KIZ: variants seen among roughly 807,000 people sequenced by gnomAD.
KIZ encodes centrosomal protein kizuna.
A neutral mutation model predicts 79.6 loss-of-function variants in KIZ; 68 were observed. The observed-to-expected ratio is 0.85, with a 90% CI of 0.70 to 1.05. The LOEUF is 1.05. Ranked by LOEUF, KIZ falls within the 50% of genes least tolerant of loss-of-function variation. The pLI, the probability that KIZ is intolerant of heterozygous loss-of-function variation, is 0.00. For synonymous variants in KIZ, 280 were observed against 281.8 expected, an observed-to-expected ratio of 0.99 and a Z score of 0.06; for missense variants, 797 against 800.4, an observed-to-expected ratio of 1.00 and a Z score of 0.05.
intron 6 of KIZ, among the ~76,000 whole-genome samples, chr20:21,203,885 A>G (rs1480096700): frequency 6.6e-6 from 1 of 152,154 alleles, no homozygotes; most frequent in Non-Finnish European, 1.5e-5. Flanking sequence ...GTTGTACAAC[A>G]GATCTCTGGA....
chr20:21,126,900 T>C (rs188940249), intron 1 of KIZ, among the ~76,000 whole-genome samples: 1 of 152,338 alleles, frequency 6.6e-6, no homozygotes, highest in East Asian at 1.9e-4. Flanking sequence ...GATAAATTGC[T>C]GGACCTCTTA....
At chr20:21,207,405 A>G (rs1407288929) in intron 7 of KIZ, among the ~76,000 whole-genome samples, 1 of 151,376 alleles carries the variant, frequency 6.6e-6, no homozygotes, top group Non-Finnish European at 1.5e-5. Context: ...TGTTGTTACC[A>G]TTGCACCATA....
rs181699988 is a variant in KIZ at position 21,205,467 on chromosome 20, G to A, written c.1353-24G>A. 7,360 of 946,440 alleles carry A rather than the reference G, an allele frequency of 7.8e-3. 42 individuals are homozygous for A. The highest frequency in any genetic ancestry group is 0.01 in the Non-Finnish European group (6,213 of 604,322). The allele number at this position is 946,440 out of a possible 1,614,324, so 58.6% of individuals were successfully genotyped here. ...TCTTATAATATTACAAATCTATAGTGAGTGTCCTGTTTCTGTTTTATAGAC... is the reference window on the plus strand; with the variant it reads ...TCTTATAATATTACAAATCTATAGTAAGTGTCCTGTTTCTGTTTTATAGAC... On this transcript the variant is annotated intron_variant, in intron 6 of 12. Transcript: ENST00000619189.
chr20:21,227,686 C>T (rs1258879812), intron 9 of KIZ, among the ~76,000 whole-genome samples: 1 of 152,120 alleles, frequency 6.6e-6, no homozygotes, highest in Admixed American at 6.5e-5. Context: ...AGCCGGAGGT[C>T]ATCACAACAC....
At chr20:21,221,345 AT>A (rs2036496210) in intron 9 of KIZ, among the ~76,000 whole-genome samples, 1 of 152,196 alleles carries the variant, frequency 6.6e-6, no homozygotes, top group Non-Finnish European at 1.5e-5. Flanking sequence ...ATGAATAAAA[AT>A]GGGGATATTA....
chr20:21,224,070 C>A (rs894629165), intron 9 of KIZ, among the ~76,000 whole-genome samples: 1 of 151,954 alleles, frequency 6.6e-6, no homozygotes, highest in African/African-American at 2.4e-5. Flanking sequence ...CTCGGGTCAC[C>A]GCAACCTCCG....
rs34220269 is a variant in KIZ at position 21,179,209 on chromosome 20, G to GT, written c.1352+16066dup. Among the ~76,000 whole-genome samples, 415 of 129,734 alleles carry GT rather than the reference G, an allele frequency of 3.2e-3. 2 individuals carry two copies. The highest frequency in any genetic ancestry group is 0.02 in the East Asian group (89 of 4,496). The allele number at this position is 129,734 out of a possible 152,430, so 85.1% of individuals were successfully genotyped here. On this transcript the variant is annotated intron_variant, in intron 6 of 12. Transcript: ENST00000619189. ...AGCTATCTGGTCCTGGGGTTTTTTTGTTTTTTTTTTTTTTTTGATGGGAGG... is the reference window on the plus strand; with the variant it reads ...AGCTATCTGGTCCTGGGGTTTTTTTGTTTTTTTTTTTTTTTTTGATGGGAGG...
intron 6 of KIZ, among the ~76,000 whole-genome samples, chr20:21,186,955 TC>T (rs1198113633): frequency 1.3e-5 from 2 of 152,164 alleles, no homozygotes; most frequent in Non-Finnish European, 2.9e-5. Flanking sequence ...TGATTCAGCA[TC>T]TTCAGTTTAA....
In KIZ at chr20:21,162,121, A is replaced by C; in HGVS notation, c.656A>C (p.Asn219Thr). ...ACTAGTAATGACACACAGTGCTTAAATAAGTCTGACAACATAGATGGAAAG... is the reference window on the plus strand; with the variant it reads ...ACTAGTAATGACACACAGTGCTTAACTAAGTCTGACAACATAGATGGAAAG... ...VQTSNDTQCL[N>T]KSDNIDGKAS... is the part of the protein sequence containing the mutation. The change falls in exon 5 of 13, where the codon AAT becomes ACT. Residue 219 changes from asparagine to threonine, a missense_variant. Physicochemically the swap from Asn to Thr is moderately conservative, Grantham distance 65 (BLOSUM62 0). Coordinates refer to ENST00000619189, the MANE Select transcript of KIZ (RefSeq NM_018474.6). 6.2e-7 allele frequency: 1 copy of C among 1,612,764 alleles called. No individual in the cohort carries two copies.
rs1401654191 is a variant in KIZ at position 21,162,351 on chromosome 20, T to C, written c.886T>C (p.Ser296Pro). 1 of 1,613,904 alleles carries C rather than the reference T, an allele frequency of 6.2e-7. No individual in the cohort carries two copies. Among genetic ancestry groups the C allele is most frequent in the Non-Finnish European group, 8.5e-7 (1 of 1,179,868 alleles). Residue 296 changes from serine (S) to proline (P), a missense_variant, in exon 5 of 13, where the codon TCC becomes CCC. Physicochemically the swap from Ser to Pro is moderately conservative, Grantham distance 74. Transcript: ENST00000619189. ...NRTTDLKCDS[S>P]SGSEGEILTR... The stretch of plus-strand genomic sequence containing the variant: ...AACCACTGATTTAAAGTGTGACAGT[T>C]CCAGCGGATCAGAGGGAGAAATACT...
At chr20:21,222,049 C>T (rs578021607) in intron 9 of KIZ, among the ~76,000 whole-genome samples, 4 of 152,360 alleles carry the variant, frequency 2.6e-5, no homozygotes, top group East Asian at 3.9e-4. Flanking sequence ...TGAAAGTCCA[C>T]GTGGCCCTGT....
At chr20:21,138,596 A>G (rs1328877374) in intron 3 of KIZ, among the ~76,000 whole-genome samples, 1 of 152,206 alleles carries the variant, frequency 6.6e-6, no homozygotes, top group African/African-American at 2.4e-5. Context: ...CAGGAGGCCC[A>G]TGATGTCAGG....
In KIZ at chr20:21,136,430, G is replaced by A; in HGVS notation, c.193G>A (p.Glu65Lys). The change falls in exon 3 of 13, where the codon GAA (glutamate) becomes AAA (lysine). Residue 65 changes from glutamate to lysine, a missense_variant. Physicochemically the swap from Glu to Lys is moderately conservative, Grantham distance 56. Transcript: ENST00000619189. ...KYVKLKNYLK[E>K]ICESEKKAHT... ...TGTAAAACTAAAGAATTATCTGAAG[G>A]AAATATGTGAATCTGAAAAGAAGGC... The A allele has an allele frequency of 1.3e-6, 2 of 1,561,982 alleles. No homozygotes were observed. Among genetic ancestry groups the A allele is most frequent in the East Asian group, 4.5e-5 (2 of 44,112 alleles).
At chr20:21,142,412 T>A (rs1186522774) in intron 3 of KIZ, among the ~76,000 whole-genome samples, 3 of 152,122 alleles carry the variant, frequency 2.0e-5, no homozygotes. Flanking sequence ...GACTTCCCCC[T>A]TGACTGAAAT....
chr20:21,198,967 G>A (rs1041143477), intron 6 of KIZ, among the ~76,000 whole-genome samples: 1 of 152,172 alleles, frequency 6.6e-6, no homozygotes, highest in East Asian at 1.9e-4. Flanking sequence ...GTGTTAGAAG[G>A]CTCTTTAATC....
intron 7 of KIZ, 148 bp downstream of exon 7, chr20:21,205,732 G>GC: frequency 2.0e-6 from 1 of 507,794 alleles, no homozygotes; most frequent in Non-Finnish European, 3.4e-6. Context: ...GGATGCTGAG[G>GC]CAGGTGGATC....
At chr20:21,143,698 A>T (rs754408869) in intron 3 of KIZ, among the ~76,000 whole-genome samples, 21 of 152,120 alleles carry the variant, frequency 1.4e-4, no homozygotes, top group Non-Finnish European at 2.6e-4. Context: ...GTTTATTAAA[A>T]CAGATTTCTT....
chr20:21,133,071 A>G (rs1479801840), intron 2 of KIZ: 1 of 152,258 alleles, frequency 6.6e-6, no homozygotes, highest in Non-Finnish European at 1.5e-5. Flanking sequence ...TATTATTCAT[A>G]TGAAGAACTT....
chr20:21,174,225 T>TGACTCC, intron 6 of KIZ, among the ~76,000 whole-genome samples: 1 of 152,384 alleles, frequency 6.6e-6, no homozygotes, highest in African/African-American at 2.4e-5. Flanking sequence ...TTGTTAGTAC[T>TGACTCC]GACTCCGTGC....
Sources: gnomAD v4.1 joint callset for allele counts (sites outside exome capture counted in the v4.1 genomes callset) on GRCh38, gnomAD v4.1.1 for gene constraint, MANE v1.5 for transcripts, NCBI Gene and HGNC (gene_info 2026-07-23, HGNC 2026-07-21) for gene names.